Variants in NBR1 observed in about 807,000 individuals in gnomAD.
NBR1 encodes NBR1 autophagy cargo receptor.
In NBR1, 59 loss-of-function variants were observed where a neutral mutation model predicts 115.5. The observed-to-expected ratio is 0.51, with a 90% CI of 0.41 to 0.63. NBR1 has a LOEUF of 0.63. Ranked by LOEUF, NBR1 falls within the 30% of genes least tolerant of loss-of-function variation. The pLI, the probability that NBR1 is intolerant of heterozygous loss-of-function variation, is 0.00. For synonymous variants in NBR1, 373 were observed against 414.7 expected, an observed-to-expected ratio of 0.90 and a Z score of 1.22; for missense variants, 1,043 against 1,150.5, an observed-to-expected ratio of 0.91 and a Z score of 1.35.
Position 43,203,703 on chromosome 17 carries a change from G to A in NBR1, c.2644G>A (p.Ala882Thr). Residue 882 changes from alanine (A) to threonine (T), a missense_variant, in exon 20 of 21, where the codon GCT (alanine) becomes ACT (threonine). Transcript: ENST00000590996. ...CAGGCACCATCATGGGAGCAGCATT[G>A]CTGGAGGACTGGTGAAGGGGGCTTT... ...HSRHHHGSSI[A>T]GGLVKGALSV... 1 of 1,610,096 alleles carries A rather than the reference G, an allele frequency of 6.2e-7. No homozygotes were observed. The highest frequency in any genetic ancestry group is 8.5e-7 in the Non-Finnish European group (1 of 1,177,880).
intron 5 of NBR1, among the ~76,000 whole-genome samples, chr17:43,184,454 C>T (rs971289142): frequency 2.1e-5 from 3 of 144,806 alleles, no homozygotes; most frequent in South Asian, 4.4e-4. Context: ...CAACCTCCGC[C>T]TCCTGGATTC....
At chr17:43,198,167 C>G (rs1001408734) in intron 16 of NBR1, among the ~76,000 whole-genome samples, 1 of 101,870 alleles carries the variant, frequency 9.8e-6, no homozygotes, top group Non-Finnish European at 2.1e-5. Context: ...AACTCCGTCT[C>G]AAAAAAAAAA....
intron 18 of NBR1, 150 bp from the exon 19 acceptor site, chr17:43,202,504 TA>T: frequency 1.8e-6 from 1 of 570,904 alleles, no homozygotes; most frequent in East Asian, 2.9e-5. Context: ...AAACTACCCT[TA>T]AAACTTCCCA....
chr17:43,198,117 G>A lies in NBR1; in HGVS notation c.2026+1011G>A, dbSNP rs973068262. ...CGGGAGGCGAAGGCTGTGGTTAGCC[G>A]AGATGGCGCCATTGCACTCCAGCCT... On this transcript the variant is annotated intron_variant, in intron 16 of 20. Transcript: ENST00000590996. Among the ~76,000 whole-genome samples the A allele has an allele frequency of 7.3e-5, 11 of 151,132 alleles. No individual in the cohort carries two copies. The East Asian group carries it at 1.8e-3, about 24-fold the overall frequency.
At chr17:43,178,779 T>C (rs2056591529) in intron 3 of NBR1, among the ~76,000 whole-genome samples, 1 of 151,504 alleles carries the variant, frequency 6.6e-6, no homozygotes, top group Admixed American at 6.6e-5. Flanking sequence ...TTTTTTTTTT[T>C]TTTTTTTTAA....
intron 1 of NBR1, among the ~76,000 whole-genome samples, chr17:43,173,321 C>G (rs984656179): frequency 1.3e-5 from 2 of 152,034 alleles, no homozygotes; most frequent in African/African-American, 4.8e-5. Flanking sequence ...CAGAGTCTCG[C>G]TCTATCACCC....
At chr17:43,176,637 C>T (rs2056523662) in intron 2 of NBR1, 1 of 150,772 alleles carries the variant, frequency 6.6e-6, no homozygotes, top group African/African-American at 2.4e-5. Flanking sequence ...TCATACTGTC[C>T]TATCAGTGAC....
intron 20 of NBR1, among the ~76,000 whole-genome samples, chr17:43,208,521 T>A (rs1437501229): frequency 6.6e-6 from 1 of 152,140 alleles, no homozygotes; most frequent in Non-Finnish European, 1.5e-5. Context: ...AAGTAGGAGG[T>A]ATGATATATC....
At position 43,199,034 on chromosome 17, in the gene NBR1, G is replaced by A. The variant is rs1024013409; in HGVS notation, c.2027-1133G>A. The stretch of plus-strand genomic sequence containing the variant: ...TACAAATACATAACAAAAAGGTCTG[G>A]AAAGACAGTACCAAAATGTTCACAG... On this transcript the variant is annotated intron_variant, in intron 16 of 20. Coordinates refer to ENST00000590996, the MANE Select transcript of NBR1 (RefSeq NM_005899.5). 2.6e-5 allele frequency among the ~76,000 whole-genome samples: 4 copies of A among 151,790 alleles called. No homozygotes were observed. In the South Asian group the frequency reaches 8.3e-4, roughly 32 times the overall value.
intron 1 of NBR1, among the ~76,000 whole-genome samples, chr17:43,172,775 T>A (rs2056407862): frequency 6.6e-6 from 1 of 152,160 alleles, no homozygotes; most frequent in African/African-American, 2.4e-5. Context: ...GGGCAGTGCA[T>A]TACATTGTGG....
intron 5 of NBR1, among the ~76,000 whole-genome samples, chr17:43,182,584 T>G (rs1193644976): frequency 5.3e-5 from 8 of 151,474 alleles, no homozygotes; most frequent in Non-Finnish European, 1.2e-4. Flanking sequence ...ACAGCCACTT[T>G]TTGGACATGG....
In NBR1 at chr17:43,194,414, C is replaced by T; in HGVS notation, c.1589C>T (p.Thr530Ile). 1.2e-6 allele frequency: 2 copies of T among 1,613,948 alleles called. No individual in the cohort carries two copies. The highest frequency in any genetic ancestry group is 1.7e-6 in the Non-Finnish European group (2 of 1,179,876). Residue 530 changes from threonine to isoleucine, a missense_variant, in exon 13 of 21, where the codon ACA becomes ATA. Coordinates refer to ENST00000590996, the MANE Select transcript of NBR1 (RefSeq NM_005899.5). ...GAAGTGACTGAGCAGACAGAAGGGA[C>T]AGCAGCCTGCATCCCACAGAAGGCA... is the stretch of plus-strand genomic sequence containing the variant. ...LGEVTEQTEG[T>I]AACIPQKAKN... is the part of the protein sequence containing the mutation.
At chr17:43,170,532 G>GT (rs1208758048), upstream of NBR1, 1 of 153,414 alleles carries the variant, frequency 6.5e-6, no homozygotes, top group Non-Finnish European at 1.5e-5. Flanking sequence ...GAATATCAGC[G>GT]TAAGATAGTG....
chr17:43,190,573 T>C (rs2154582174), intron 8 of NBR1, 36 bp from the exon 9 acceptor site: 2 of 1,551,440 alleles, frequency 1.3e-6, no homozygotes, highest in East Asian at 2.4e-5. Context: ...TACTTCCTAT[T>C]CTGCCATTGT....
rs1284147130 is a variant in NBR1, at chr17:43,190,616, C to T, written c.703C>T (p.Pro235Ser). The T allele has an allele frequency of 1.3e-6, 2 of 1,582,590 alleles. No individual in the cohort carries two copies. Among genetic ancestry groups the T allele is most frequent in the East Asian group, 2.3e-5 (1 of 43,544 alleles). ...GCCATTCTTTCCCCACAGCCTATGC[C>T]CATCCTACAATATCTGTGAAGATTG... The part of the protein sequence containing the change: ...VGVRYQCSLC[P>S]SYNICEDCEA... The change falls in exon 9 of 21, where the codon CCA becomes TCA. Residue 235 changes from proline to serine, a missense_variant. Coordinates refer to ENST00000590996, the MANE Select transcript of NBR1 (RefSeq NM_005899.5).
intron 14 of NBR1, 146 bp downstream of exon 14, chr17:43,195,185 TTTC>T (rs2057038929): frequency 1.5e-6 from 1 of 687,502 alleles, no homozygotes; most frequent in East Asian, 2.8e-5. Context: ...TGGATCCGTT[TTTC>T]TTCTTTCCTG....
rs2057403430 is a variant in NBR1 at position 43,210,786 on chromosome 17, A to AT, written c.*717dup. On this transcript the variant is annotated 3_prime_UTR_variant, in exon 21 of 21. Transcript: ENST00000590996. ...TGTCTATTATAGTAATTTTGCATAC[A>AT]TTTTTATTTAAGGGAAAAAATATAG... 2 of 398,348 alleles carry AT rather than the reference A, an allele frequency of 5.0e-6. No homozygotes were observed. 24.7% of individuals were successfully genotyped at this position (398,348 alleles called of 1,614,324 possible). A position where few individuals can be genotyped will look rare whatever the true frequency, so the allele number is the denominator to read the frequency against.
intron 14 of NBR1, 81 bp from the exon 15 acceptor site, chr17:43,196,400 C>A: frequency 1.2e-6 from 1 of 851,140 alleles, no homozygotes; most frequent in Non-Finnish European, 1.8e-6. Flanking sequence ...AAGAAGCCTA[C>A]AAACTGCTAC....
chr17:43,193,679 T>G (rs776194239), intron 12 of NBR1, 41 bp downstream of exon 12: 200 of 1,555,704 alleles, frequency 1.3e-4, no homozygotes, highest in Non-Finnish European at 1.7e-4. Context: ...TATCCAAATC[T>G]TAGTTAGAGA....
Sources: gnomAD v4.1 joint callset for allele counts (sites outside exome capture counted in the v4.1 genomes callset) on GRCh38, gnomAD v4.1.1 for gene constraint, MANE v1.5 for transcripts, NCBI Gene and HGNC (gene_info 2026-07-23, HGNC 2026-07-21) for gene names.